PTPRO: variants seen among roughly 807,000 people sequenced by gnomAD.
PTPRO encodes the protein protein tyrosine phosphatase receptor type O.
A neutral mutation model predicts 145.2 loss-of-function variants in PTPRO; 62 were observed. The ratio of observed to expected loss-of-function variants is 0.43; its 90% CI spans 0.35 to 0.53. PTPRO has a LOEUF of 0.53. Among genes scored for constraint, PTPRO ranks in the 20% least tolerant of loss-of-function variants. The probability of loss-of-function intolerance (pLI) is 0.01; values close to 1 mark genes in which losing one functional copy is unlikely to be tolerated. For synonymous variants in PTPRO, 565 were observed against 514.7 expected (o/e 1.10, Z -1.32); for missense variants, 1,345 against 1,482.7 (o/e 0.91, Z 1.53).
chr12:15,344,505 T>C (rs1037581778), intron 1 of PTPRO, among the ~76,000 whole-genome samples: 4 of 152,240 alleles, frequency 2.6e-5, no homozygotes, highest in African/African-American at 9.7e-5. Flanking sequence ...ATATTGCCTC[T>C]ATTAAAGAGA....
At chr12:15,355,851 G>A (rs996051585) in intron 1 of PTPRO, among the ~76,000 whole-genome samples, 2 of 152,206 alleles carry the variant, frequency 1.3e-5, no homozygotes, top group East Asian at 3.8e-4. Context: ...GTTTGAGGAG[G>A]TAGCTGGTAT....
chr12:15,483,967 T>C lies in PTPRO; in HGVS notation c.76-7T>C, dbSNP rs1370260195. 1.9e-6 allele frequency: 3 copies of C among 1,612,356 alleles called. No homozygotes were observed. The highest frequency in any genetic ancestry group is 1.7e-6 in the Non-Finnish European group (2 of 1,178,716). On this transcript the variant is annotated splice_polypyrimidine_tract_variant and splice_region_variant and intron_variant, in intron 1 of 26. Transcript: ENST00000281171. ...TCCATCTCTTTTTATTCTGTTTCATTCAACAGAATGCTACAGCTTTCCATG... is the reference window on the plus strand; with the variant it reads ...TCCATCTCTTTTTATTCTGTTTCATCCAACAGAATGCTACAGCTTTCCATG...
intron 19 of PTPRO, among the ~76,000 whole-genome samples, chr12:15,569,896 G>T (rs1241506880): frequency 1.3e-5 from 2 of 152,160 alleles, no homozygotes; most frequent in African/African-American, 4.8e-5. Context: ...GCGGATAGTG[G>T]ATAAAACTGA....
chr12:15,377,821 G>A (rs1223640561), intron 1 of PTPRO, among the ~76,000 whole-genome samples: 3 of 151,778 alleles, frequency 2.0e-5, no homozygotes, highest in East Asian at 1.9e-4. Flanking sequence ...AAATAAAATC[G>A]GAAACCAATA....
chr12:15,388,923 G>GA (rs544965026), intron 1 of PTPRO, among the ~76,000 whole-genome samples: 105 of 146,414 alleles, frequency 7.2e-4, no homozygotes, highest in African/African-American at 1.9e-3. Flanking sequence ...CTCCATTCTA[G>GA]AAAAAAAAAA....
Position 15,516,234 on chromosome 12 carries a change from A to G in PTPRO, c.1586-529A>G, listed in dbSNP as rs1369762471. On this transcript the variant is annotated intron_variant, in intron 8 of 26. Transcript: ENST00000281171. ...CTCGATCTGACCTCGTGATCTGCCCACCTTGGCTTCCCAAAGTGCTGGGAT... is the reference window on the plus strand; with the variant it reads ...CTCGATCTGACCTCGTGATCTGCCCGCCTTGGCTTCCCAAAGTGCTGGGAT... Among the ~76,000 whole-genome samples the G allele has an allele frequency of 1.1e-4, 17 of 148,218 alleles. 1 individual carries two copies. The highest frequency in any genetic ancestry group is 2.1e-4 in the South Asian group (1 of 4,722).
At chr12:15,508,035 C>T (rs948406543) in intron 6 of PTPRO, among the ~76,000 whole-genome samples, 1 of 152,168 alleles carries the variant, frequency 6.6e-6, no homozygotes, top group Admixed American at 6.6e-5. Context: ...CTCAAATTAT[C>T]ACCCAGGTTT....
intron 1 of PTPRO, among the ~76,000 whole-genome samples, chr12:15,449,228 T>TAGC (rs1266458377): frequency 1.3e-5 from 2 of 152,198 alleles, no homozygotes; most frequent in Non-Finnish European, 2.9e-5. Flanking sequence ...TTTGAACACT[T>TAGC]AGCAGTCTAT....
At chr12:15,492,460 C>T (rs1367145619) in intron 2 of PTPRO, among the ~76,000 whole-genome samples, 1 of 151,998 alleles carries the variant, frequency 6.6e-6, no homozygotes, top group Non-Finnish European at 1.5e-5. Flanking sequence ...ACAGTTCCAC[C>T]TAATCAGGAG....
At chr12:15,562,557 C>G (rs955027250) in intron 17 of PTPRO, among the ~76,000 whole-genome samples, 2 of 152,106 alleles carry the variant, frequency 1.3e-5, no homozygotes, top group African/African-American at 4.8e-5. Flanking sequence ...TTCTCTCTCT[C>G]ATAGTGTTGC....
At chr12:15,356,684 ACT>A (rs1937999442) in intron 1 of PTPRO, among the ~76,000 whole-genome samples, 3 of 152,242 alleles carry the variant, frequency 2.0e-5, no homozygotes, top group South Asian at 2.1e-4. Context: ...ATTCATTGTA[ACT>A]CTGAGCAGAG....
intron 1 of PTPRO, among the ~76,000 whole-genome samples, chr12:15,443,809 C>T (rs1187388727): frequency 9.9e-5 from 15 of 152,056 alleles, no homozygotes; most frequent in African/African-American, 2.7e-4. Flanking sequence ...CCAGTCAGAA[C>T]GGCTGTGACT....
At chr12:15,433,355 G>T (rs1370665444) in intron 1 of PTPRO, among the ~76,000 whole-genome samples, 2 of 151,758 alleles carry the variant, frequency 1.3e-5, no homozygotes, top group Admixed American at 6.6e-5. Context: ...TTTTGTATTT[G>T]TATTTTTTTA....
In PTPRO at chr12:15,484,008, A is replaced by G. The variant is rs1941834164; in HGVS notation, c.110A>G (p.Asp37Gly). The G allele has an allele frequency of 5.0e-6, 8 of 1,613,120 alleles. No individual in the cohort carries two copies. Among genetic ancestry groups the G allele is most frequent in the Non-Finnish European group, 6.8e-6 (8 of 1,179,064 alleles). ...GCTTTCCATGTAACTGTCCAAGATG[A>G]TAATAACATCGTTGTCTCATTAGAA... is the stretch of plus-strand genomic sequence containing the variant. Reference protein sequence around the residue: ...ATAFHVTVQDDNNIVVSLEAS... With the variant: ...ATAFHVTVQDGNNIVVSLEAS... The change falls in exon 2 of 27, where the codon GAT (aspartate) becomes GGT (glycine). Residue 37 changes from aspartate (D) to glycine (G), a missense_variant. Physicochemically the swap from Asp to Gly is moderately conservative, Grantham distance 94 (BLOSUM62 -1). Transcript: ENST00000281171.
chr12:15,336,960 T>C (rs1488560746), intron 1 of PTPRO, among the ~76,000 whole-genome samples: 4 of 152,290 alleles, frequency 2.6e-5, no homozygotes, highest in East Asian at 3.9e-4. Context: ...GACCACTGTC[T>C]TTGGAATTGG....
chr12:15,347,835 G>A (rs1867281097), intron 1 of PTPRO, among the ~76,000 whole-genome samples: 1 of 152,046 alleles, frequency 6.6e-6, no homozygotes, highest in Non-Finnish European at 1.5e-5. Flanking sequence ...CAGAGATCTA[G>A]AAAAAATAAC....
intron 1 of PTPRO, among the ~76,000 whole-genome samples, chr12:15,431,256 A>T (rs1047314787): frequency 1.3e-5 from 2 of 152,218 alleles, no homozygotes; most frequent in African/African-American, 4.8e-5. Flanking sequence ...CCCTGAAAGA[A>T]TGGACGTAGG....
intron 21 of PTPRO, 41 bp downstream of exon 21, chr12:15,580,156 GC>G: frequency 1.4e-6 from 2 of 1,479,020 alleles, no homozygotes; most frequent in Non-Finnish European, 1.9e-6. Flanking sequence ...AAGCTAACCA[GC>G]CAGAGAAAGA....
rs757026452 is a variant in PTPRO at position 15,504,931 on chromosome 12, T to C, written c.1267+862T>C. Among the ~76,000 whole-genome samples, 103 of 152,184 alleles carry C rather than the reference T, an allele frequency of 6.8e-4. 1 individual carries two copies. Among genetic ancestry groups the C allele is most frequent in the Non-Finnish European group, 2.1e-4 (14 of 68,024 alleles). ...AAAATATCCCATATAATATTTTTACTTAAAAGAAAAACCAAAAATGTCACC... is the reference window on the plus strand; with the variant it reads ...AAAATATCCCATATAATATTTTTACCTAAAAGAAAAACCAAAAATGTCACC... On this transcript the variant is annotated intron_variant, in intron 6 of 26. Coordinates refer to ENST00000281171, the MANE Select transcript of PTPRO (RefSeq NM_030667.3).
Sources: gnomAD v4.1 joint callset for allele counts (sites outside exome capture counted in the v4.1 genomes callset) on GRCh38, gnomAD v4.1.1 for gene constraint, MANE v1.5 for transcripts, NCBI Gene and HGNC (gene_info 2026-07-23, HGNC 2026-07-21) for gene names.